The following MPZL3 variants were observed in gnomAD, a reference collection of about 807,000 sequenced individuals.
MPZL3 encodes myelin protein zero like 3.
Under a neutral mutation model 24.8 loss-of-function variants are expected in MPZL3, and 23 were observed. The ratio of observed to expected loss-of-function variants is 0.93; its 90% confidence interval spans 0.67 to 1.31. The LOEUF is 1.31. Ranked by LOEUF, MPZL3 falls within the 40% of genes most tolerant of loss-of-function variation. MPZL3 has a pLI of 0.00. For missense variants in MPZL3, 277 were observed against 294.9 expected (o/e 0.94, Z 0.44); for synonymous variants, 99 against 106.5 (o/e 0.93, Z 0.44).
chr11:118,231,961 A>G (rs1341830033), intron 5 of MPZL3, among the ~76,000 whole-genome samples: 1 of 152,222 alleles, frequency 6.6e-6, no homozygotes, highest in East Asian at 1.9e-4. Flanking sequence ...CTTTTTAAAC[A>G]GACATAAGTT....
chr11:118,229,757 G>A lies in MPZL3; in HGVS notation c.*137C>T. On this transcript the variant is annotated 3_prime_UTR_variant, in exon 6 of 6. Transcript: ENST00000278949. Reference sequence around the variant, plus strand: ...ATTCAATAAATAAGTGGTTCCTAAAGTCTTTACTGATGATCTCCAGGATTG... The same window carrying A: ...ATTCAATAAATAAGTGGTTCCTAAAATCTTTACTGATGATCTCCAGGATTG... The A allele has an allele frequency of 1.4e-6, 1 of 711,082 alleles. No homozygotes were observed. Among genetic ancestry groups the A allele is most frequent in the Non-Finnish European group, 2.4e-6 (1 of 424,824 alleles). 44.0% of individuals were successfully genotyped at this position (711,082 alleles called of 1,614,324 possible).
At chr11:118,250,852 T>C (rs1226634359) in intron 1 of MPZL3, among the ~76,000 whole-genome samples, 2 of 152,178 alleles carry the variant, frequency 1.3e-5, no homozygotes, top group Non-Finnish European at 2.9e-5. Context: ...CCCAAAGTGC[T>C]GGGATTACAG....
rs1949300314 is a variant in MPZL3 at position 118,228,395 on chromosome 11, C to T, written c.*1499G>A. ...ACAGGTGAGGGGATAATTTTTGTCTCTCATAATTGAGAAGTAAATCCAATC... is the reference window on the plus strand; with the variant it reads ...ACAGGTGAGGGGATAATTTTTGTCTTTCATAATTGAGAAGTAAATCCAATC... On this transcript the variant is annotated 3_prime_UTR_variant, in exon 6 of 6. Coordinates refer to ENST00000278949, the MANE Select transcript of MPZL3 (RefSeq NM_198275.3). 2 of 152,174 alleles carry T rather than the reference C, an allele frequency of 1.3e-5. No individual in the cohort carries two copies. The highest frequency in any genetic ancestry group is 1.3e-4 in the Admixed American group (2 of 15,278). 9.4% of individuals were successfully genotyped at this position (152,174 alleles called of 1,614,324 possible). A position where few individuals can be genotyped will look rare whatever the true frequency, so the allele number is the denominator to read the frequency against.
chr11:118,243,859 A>C (rs1949527279), intron 1 of MPZL3, among the ~76,000 whole-genome samples: 1 of 152,066 alleles, frequency 6.6e-6, no homozygotes, highest in Admixed American at 6.6e-5. Context: ...AAAAACAAAT[A>C]GCAATTTTAA....
chr11:118,238,216 A>G (rs950495873), intron 2 of MPZL3, among the ~76,000 whole-genome samples: 4 of 152,242 alleles, frequency 2.6e-5, no homozygotes, highest in Non-Finnish European at 2.9e-5. Context: ...GTATACAACT[A>G]GTAAGTGACA....
At chr11:118,249,565 G>A (rs1949596526) in intron 1 of MPZL3, among the ~76,000 whole-genome samples, 2 of 150,298 alleles carry the variant, frequency 1.3e-5, no homozygotes, top group African/African-American at 4.9e-5. Context: ...TTTAGTCTGG[G>A]GAAAAAACAA....
chr11:118,237,030 G>GT lies in MPZL3; in HGVS notation c.451+19dup. On this transcript the variant is annotated intron_variant, in intron 3 of 5. Coordinates refer to ENST00000278949, the MANE Select transcript of MPZL3 (RefSeq NM_198275.3). ...CAGTCACAGAGCACTGCAGAAGAAG[G>GT]TTGGTGGCAATGAGCTTACCCCTTT... 6.2e-7 allele frequency: 1 copy of GT among 1,606,716 alleles called. No homozygotes were observed. Among genetic ancestry groups the GT allele is most frequent in the Non-Finnish European group, 8.5e-7 (1 of 1,173,510 alleles).
chr11:118,245,404 G>A (rs538071220), intron 1 of MPZL3, among the ~76,000 whole-genome samples: 3 of 81,060 alleles, frequency 3.7e-5, no homozygotes, highest in African/African-American at 7.3e-5. Context: ...AGGCTACTAC[G>A]ATAGTCCATT....
intron 5 of MPZL3, among the ~76,000 whole-genome samples, chr11:118,230,706 T>C (rs1949339802): frequency 6.6e-6 from 1 of 152,118 alleles, no homozygotes; most frequent in Non-Finnish European, 1.5e-5. Context: ...TCTCCCATGA[T>C]TGGGACTAGA....
intron 1 of MPZL3, among the ~76,000 whole-genome samples, chr11:118,249,357 T>TA (rs1006677785): frequency 1.3e-5 from 2 of 152,160 alleles, no homozygotes; most frequent in African/African-American, 4.8e-5. Context: ...ATACTGAAAT[T>TA]AAAAAATGTT....
chr11:118,233,659 C>G, intron 4 of MPZL3, 136 bp from the exon 5 acceptor site: 1 of 858,964 alleles, frequency 1.2e-6, no homozygotes, highest in African/African-American at 1.7e-5. Context: ...GGTGACTGGG[C>G]AAATTGTTTA....
Position 118,245,055 on chromosome 11 carries a change from A to G in MPZL3, c.74-4678T>C, listed in dbSNP as rs191326283. On this transcript the variant is annotated intron_variant, in intron 1 of 5. Coordinates refer to ENST00000278949, the MANE Select transcript of MPZL3 (RefSeq NM_198275.3). ...CGCACCACTACACTCCAGCCTGGGC[A>G]ACAAAGCAAGACTCCATCTCAAAAA... Among the ~76,000 whole-genome samples, 533 of 152,294 alleles carry G rather than the reference A, an allele frequency of 3.5e-3. 1 individual carries two copies. The highest frequency in any genetic ancestry group is 9.9e-3 in the African/African-American group (413 of 41,560).
intron 2 of MPZL3, among the ~76,000 whole-genome samples, chr11:118,238,753 C>T (rs549472025): frequency 2.0e-5 from 3 of 152,108 alleles, no homozygotes; most frequent in African/African-American, 4.8e-5. Flanking sequence ...GTGGGAGCCA[C>T]GCAGGCATAG....
At chr11:118,251,656 A>G (rs1565497899) in intron 1 of MPZL3, among the ~76,000 whole-genome samples, 1 of 152,234 alleles carries the variant, frequency 6.6e-6, no homozygotes. Context: ...CTTGTATTAA[A>G]AAAAGTTATG....
chr11:118,238,479 G>C (rs1167016012), intron 2 of MPZL3, among the ~76,000 whole-genome samples: 1 of 152,192 alleles, frequency 6.6e-6, no homozygotes, highest in Non-Finnish European at 1.5e-5. Flanking sequence ...AATTATACCT[G>C]GGGCAGGCCA....
At chr11:118,245,815 A>T (rs1949550800) in intron 1 of MPZL3, among the ~76,000 whole-genome samples, 1 of 152,192 alleles carries the variant, frequency 6.6e-6, no homozygotes, top group African/African-American at 2.4e-5. Flanking sequence ...AACATTTACA[A>T]TGTCTTTTAA....
At chr11:118,245,379 G>T (rs1949546930) in intron 1 of MPZL3, among the ~76,000 whole-genome samples, 1 of 149,776 alleles carries the variant, frequency 6.7e-6, no homozygotes, top group South Asian at 2.2e-4. Flanking sequence ...AGTGAATATG[G>T]GGAAATTACT....
intron 1 of MPZL3, among the ~76,000 whole-genome samples, chr11:118,250,568 CTTTT>C (rs137879944): frequency 0.059 from 8,963 of 151,818 alleles, 657 homozygotes; most frequent in African/African-American, 0.17. Flanking sequence ...CCAGTTGTTT[CTTTT>C]TTGTTTGTTT....
At chr11:118,234,096 T>C (rs772933567) in intron 4 of MPZL3, among the ~76,000 whole-genome samples, 1 of 152,196 alleles carries the variant, frequency 6.6e-6, no homozygotes, top group Non-Finnish European at 1.5e-5. Flanking sequence ...ACACATACCA[T>C]AGTGCCTGGC....
Sources: allele counts gnomAD v4.1 joint callset (sites outside exome capture counted in the v4.1 genomes callset), GRCh38; gene constraint gnomAD v4.1.1; transcripts MANE v1.5; gene names NCBI Gene and HGNC (gene_info 2026-07-23, HGNC 2026-07-21).